The following GRID2 variants were observed in gnomAD, a reference collection of about 807,000 sequenced individuals.
The protein encoded by GRID2 is glutamate receptor ionotropic, delta-2.
In GRID2, 33 loss-of-function variants were observed where a neutral mutation model predicts 114.8. The observed-to-expected ratio is 0.29, with a 90% CI of 0.22 to 0.38. The LOEUF is 0.38. GRID2 is among the 10% of genes least tolerant of loss of function. The probability of loss-of-function intolerance (pLI) is 1.00; values close to 1 mark genes in which losing one functional copy is unlikely to be tolerated. For synonymous variants in GRID2, 505 were observed against 449.9 expected, an observed-to-expected ratio of 1.12 and a Z score of -1.55; for missense variants, 1,184 against 1,257.7, an observed-to-expected ratio of 0.94 and a Z score of 0.89.
intron 2 of GRID2, among the ~76,000 whole-genome samples, chr4:92,650,381 G>T (rs1731867216): frequency 6.6e-6 from 1 of 152,016 alleles, no homozygotes; most frequent in South Asian, 2.1e-4. Flanking sequence ...TGTTAGTCCT[G>T]CTTAGTTTGG....
At chr4:93,070,480 G>A (rs1460059638) in intron 2 of GRID2, among the ~76,000 whole-genome samples, 1 of 152,046 alleles carries the variant, frequency 6.6e-6, no homozygotes, top group Non-Finnish European at 1.5e-5. Context: ...TAAGTGAAAT[G>A]TGATTATCAA....
At chr4:93,398,781 T>G (rs1425035581) in intron 9 of GRID2, among the ~76,000 whole-genome samples, 2 of 150,102 alleles carry the variant, frequency 1.3e-5, no homozygotes, top group Non-Finnish European at 3.0e-5. Context: ...TCTTCTATGA[T>G]GGACTTATCA....
chr4:92,637,288 CTG>C (rs1333477816), intron 2 of GRID2, among the ~76,000 whole-genome samples: 1 of 151,910 alleles, frequency 6.6e-6, no homozygotes, highest in African/African-American at 2.4e-5. Context: ...CATGCTGTGA[CTG>C]TGTTTACAGG....
chr4:93,369,705 T>C (rs1335897899), intron 8 of GRID2, among the ~76,000 whole-genome samples: 2 of 152,092 alleles, frequency 1.3e-5, no homozygotes, highest in African/African-American at 4.8e-5. Context: ...ACCAGGCTGG[T>C]CTAAAACTCC....
At chr4:92,738,022 T>C (rs1408247602) in intron 2 of GRID2, among the ~76,000 whole-genome samples, 1 of 152,182 alleles carries the variant, frequency 6.6e-6, no homozygotes, top group Non-Finnish European at 1.5e-5. Context: ...GGAAAGGTTT[T>C]TGCACATTTT....
intron 13 of GRID2, among the ~76,000 whole-genome samples, chr4:93,620,021 C>T (rs1742068552): frequency 1.3e-5 from 2 of 152,164 alleles, no homozygotes; most frequent in South Asian, 2.1e-4. Flanking sequence ...TCTCACATTC[C>T]AAATCTACCG....
At chr4:93,806,442 C>T (rs1228563198) in intron 1 of GRID2, among the ~76,000 whole-genome samples, 1 of 152,164 alleles carries the variant, frequency 6.6e-6, no homozygotes, top group Non-Finnish European at 1.5e-5. Context: ...GTATCCTAAT[C>T]CAGACCTGGA....
At chr4:93,358,819 A>C (rs1315948725) in intron 8 of GRID2, among the ~76,000 whole-genome samples, 2 of 152,074 alleles carry the variant, frequency 1.3e-5, no homozygotes, top group African/African-American at 4.8e-5. Context: ...ACTACTATTA[A>C]TACAGTTATT....
At chr4:93,265,092 T>C (rs550710746) in intron 8 of GRID2, among the ~76,000 whole-genome samples, 3 of 152,026 alleles carry the variant, frequency 2.0e-5, no homozygotes, top group Non-Finnish European at 4.4e-5. Flanking sequence ...AATGTTATAA[T>C]TTTTTTATAA....
chr4:92,580,723 G>C (rs1246157377), intron 1 of GRID2, among the ~76,000 whole-genome samples: 2 of 145,160 alleles, frequency 1.4e-5, no homozygotes, highest in African/African-American at 4.9e-5. Context: ...TAGTAGTATA[G>C]GCCAATTCTC....
intron 2 of GRID2, among the ~76,000 whole-genome samples, chr4:92,819,214 G>A (rs1741108074): frequency 6.6e-6 from 1 of 152,106 alleles, no homozygotes; most frequent in African/African-American, 2.4e-5. Context: ...GATTCTCAGT[G>A]CTGTTTATAC....
chr4:93,482,954 T>G (rs1319653316), intron 11 of GRID2, among the ~76,000 whole-genome samples: 22 of 151,926 alleles, frequency 1.4e-4, no homozygotes, highest in Non-Finnish European at 4.4e-5. Context: ...CCACATCTTC[T>G]GTCAAAAAAA....
chr4:93,564,728 T>C (rs932681507), intron 13 of GRID2, among the ~76,000 whole-genome samples: 1 of 152,010 alleles, frequency 6.6e-6, no homozygotes, highest in Non-Finnish European at 1.5e-5. Context: ...AGTATCCCTC[T>C]GCATAACAGA....
intron 2 of GRID2, among the ~76,000 whole-genome samples, chr4:92,626,322 C>A (rs1730519612): frequency 6.6e-6 from 1 of 151,928 alleles, no homozygotes; most frequent in African/African-American, 2.4e-5. Flanking sequence ...TAAAGCTTTT[C>A]ATGGACCTTT....
Position 93,037,585 on chromosome 4 carries a change from A to G in GRID2, c.245-47410A>G, listed in dbSNP as rs542734589. On this transcript the variant is annotated intron_variant, in intron 2 of 15. Coordinates refer to ENST00000282020, the MANE Select transcript of GRID2 (RefSeq NM_001510.4). ...TTTAAGGTTTTAGGTCTTTCGTTTA[A>G]GTCTTTAATCTCTCTTGAGTTAATT... Among the ~76,000 whole-genome samples the G allele has an allele frequency of 2.0e-5, 3 of 152,300 alleles. No homozygotes were observed. The South Asian group carries it at 6.2e-4, about 32-fold the overall frequency.
intron 1 of GRID2, among the ~76,000 whole-genome samples, chr4:92,542,838 A>C (rs1431159006): frequency 6.6e-6 from 1 of 152,108 alleles, no homozygotes. Flanking sequence ...GTAAGTAAAC[A>C]ATCAGAAGGT....
chr4:92,612,216 G>T (rs770732608), intron 2 of GRID2, among the ~76,000 whole-genome samples: 1 of 151,306 alleles, frequency 6.6e-6, no homozygotes, highest in African/African-American at 2.4e-5. Context: ...TCTTAGAAAG[G>T]TTATCCTTTC....
At chr4:93,240,978 C>A (rs1747443225) in intron 8 of GRID2, among the ~76,000 whole-genome samples, 1 of 151,424 alleles carries the variant, frequency 6.6e-6, no homozygotes, top group Non-Finnish European at 1.5e-5. Flanking sequence ...GTTTGCTTGG[C>A]CTGAAAGTTT....
chr4:93,762,184 C>G (rs1017971663), intron 14 of GRID2, among the ~76,000 whole-genome samples: 4 of 151,796 alleles, frequency 2.6e-5, no homozygotes, highest in African/African-American at 9.7e-5. Context: ...TATTATGAGC[C>G]AAAATAGATT....
Sources: gnomAD v4.1 joint callset for allele counts (sites outside exome capture counted in the v4.1 genomes callset) on GRCh38, gnomAD v4.1.1 for gene constraint, MANE v1.5 for transcripts, NCBI Gene and HGNC (gene_info 2026-07-23, HGNC 2026-07-21) for gene names.